KLHL36: variants seen among roughly 807,000 people sequenced by gnomAD.
The protein encoded by KLHL36 is kelch-like protein 36.
KLHL36 carries 35 observed loss-of-function variants against 53.3 expected under a neutral mutation model. The ratio of observed to expected loss-of-function variants is 0.66; its 90% CI spans 0.50 to 0.87. The LOEUF (loss-of-function observed/expected upper bound fraction) is 0.87. Ranked by LOEUF, KLHL36 falls within the 40% of genes least tolerant of loss-of-function variation. The pLI, the probability that KLHL36 is intolerant of heterozygous loss-of-function variation, is 0.00. For missense variants in KLHL36, 864 were observed against 897.6 expected (o/e 0.96, Z 0.48); for synonymous variants, 472 against 398.9 (o/e 1.18, Z -2.18).
chr16:84,661,040 C>T lies in KLHL36; in HGVS notation c.1296-538C>T, dbSNP rs140121730. Among the ~76,000 whole-genome samples the T allele has an allele frequency of 3.3e-5, 5 of 152,298 alleles. No individual in the cohort carries two copies. In the East Asian group the frequency reaches 7.7e-4, roughly 23 times the overall value. On this transcript the variant is annotated intron_variant, in intron 4 of 4. Transcript: ENST00000564996. The surrounding 1 kb of genome is among the most constrained non-coding windows in gnomAD (Gnocchi z 7.9). ...ACATGAATCCACCATTACAGCATCA[C>T]GCAGAATCATTTCACTGCCCTAAAG...
chr16:84,653,117 C>T (rs188023570), intron 2 of KLHL36, among the ~76,000 whole-genome samples: 14 of 152,006 alleles, frequency 9.2e-5, no homozygotes, highest in African/African-American at 2.9e-4. Context: ...CTCAGGAGGC[C>T]GAGGTGGGAG....
chr16:84,651,432 G>A (rs1370153558), intron 2 of KLHL36, among the ~76,000 whole-genome samples: 1 of 152,124 alleles, frequency 6.6e-6, no homozygotes, highest in Non-Finnish European at 1.5e-5. Context: ...AGGCTACTGG[G>A]GGAGTTCTAA....
rs1054792577 is a variant in KLHL36, at chr16:84,659,693, G to A, written c.1138-67G>A. 36 of 1,516,934 alleles carry A rather than the reference G, an allele frequency of 2.4e-5. No individual in the cohort carries two copies. The Middle Eastern group carries it at 5.2e-4, about 22-fold the overall frequency. The allele number at this position is 1,516,934 out of a possible 1,614,324, so 94.0% of individuals were successfully genotyped here. ...CATTCCGCAGACACATTTGGGAACC[G>A]CAGCGCCAGATGTTGATGCTGTCCC... On this transcript the variant is annotated intron_variant, in intron 3 of 4. Coordinates refer to ENST00000564996, the MANE Select transcript of KLHL36 (RefSeq NM_024731.4).
Position 84,662,261 on chromosome 16 carries a change from G to C in KLHL36, c.*128G>C, listed in dbSNP as rs1006536539. The C allele has an allele frequency of 2.4e-6, 2 of 838,430 alleles. No individual in the cohort carries two copies. Among genetic ancestry groups the C allele is most frequent in the African/African-American group, 3.4e-5 (2 of 58,572 alleles). The allele number at this position is 838,430 out of a possible 1,614,324, so 51.9% of individuals were successfully genotyped here. ...AGCTTTTTTTACTTTTATGATTCTTGGTATTTCTATGATATCACAGTAACC... is the reference window on the plus strand; with the variant it reads ...AGCTTTTTTTACTTTTATGATTCTTCGTATTTCTATGATATCACAGTAACC... On this transcript the variant is annotated 3_prime_UTR_variant, in exon 5 of 5. Transcript: ENST00000564996.
intron 1 of KLHL36, among the ~76,000 whole-genome samples, chr16:84,649,756 T>C (rs1040255760): frequency 2.0e-5 from 3 of 152,240 alleles, no homozygotes; most frequent in African/African-American, 7.2e-5. Flanking sequence ...CCCAGTTATC[T>C]AAGAACAGTG....
chr16:84,658,420 C>G (rs1439237548), intron 3 of KLHL36: 1 of 152,796 alleles, frequency 6.5e-6, no homozygotes, highest in Non-Finnish European at 1.5e-5. Context: ...GTCCTGGAGT[C>G]TCTGTGGGGC....
Position 84,657,105 on chromosome 16 carries a change from G to A in KLHL36, c.298G>A (p.Val100Met), listed in dbSNP as rs1036488872. ...CGCCTCCTACATTGGGCTCAAGGCC[G>A]TGGTGGACTTCCTGTACGGCGGGGA... is the stretch of plus-strand genomic sequence containing the variant. ...IGASYIGLKA[V>M]VDFLYGGELV... The change falls in exon 3 of 5, where the codon GTG becomes ATG. Residue 100 changes from valine to methionine, a missense_variant. Physicochemically the swap from Val to Met is conservative, Grantham distance 21. Transcript: ENST00000564996. 12 of 1,614,230 alleles carry A rather than the reference G, an allele frequency of 7.4e-6. No homozygotes were observed. The highest frequency in any genetic ancestry group is 1.0e-5 in the Non-Finnish European group (12 of 1,180,036).
At chr16:84,650,660 C>T (rs944329272) in intron 1 of KLHL36, among the ~76,000 whole-genome samples, 192 bp from the exon 2 acceptor site, 2 of 152,060 alleles carry the variant, frequency 1.3e-5, no homozygotes, top group Non-Finnish European at 2.9e-5. Flanking sequence ...GTTAAATGTT[C>T]TGTCCAATTC....
chr16:84,649,975 G>A (rs1036933896), intron 1 of KLHL36, among the ~76,000 whole-genome samples: 13 of 29,462 alleles, frequency 4.4e-4, no homozygotes, highest in Non-Finnish European at 1.6e-4. Context: ...TGCCTCCCCC[G>A]CCCCCCACAC....
At chr16:84,656,436 A>C (rs1387187816) in intron 2 of KLHL36, among the ~76,000 whole-genome samples, 1 of 151,292 alleles carries the variant, frequency 6.6e-6, no homozygotes, top group African/African-American at 2.4e-5. Context: ...TGCCTGGCTA[A>C]ATTTTGTATT....
Position 84,661,914 on chromosome 16 carries a change from G to A in KLHL36, c.1632G>A (p.Trp544Ter). 4 of 1,599,146 alleles carry A rather than the reference G, an allele frequency of 2.5e-6. No individual in the cohort carries two copies. Among genetic ancestry groups the A allele is most frequent in the Non-Finnish European group, 3.4e-6 (4 of 1,170,864 alleles). The change falls in exon 5 of 5, where the codon TGG becomes TGA. Residue 544 changes from tryptophan (W) to a stop codon, truncating the protein, a stop_gained. Coordinates refer to ENST00000564996, the MANE Select transcript of KLHL36 (RefSeq NM_024731.4). LOFTEE classifies it high-confidence loss of function. This position sits in a 1 kb window ranked among gnomAD's most constrained non-coding sequence, Gnocchi z 7.9. ...ACAGCGAGTCGGGCGTGGCAGTGTG[G>A]GAGGGCCGCATCTACATCCTGGGCG... ...HANSESGVAVWEGRIYILGGY... is the reference protein window; with the variant it reads ...HANSESGVAV
chr16:84,655,470 A>G (rs942992677), intron 2 of KLHL36, among the ~76,000 whole-genome samples: 2 of 152,126 alleles, frequency 1.3e-5, no homozygotes, highest in Non-Finnish European at 2.9e-5. Context: ...CCAGTTACTC[A>G]GGAGGCTAAG....
In KLHL36 at chr16:84,649,790, T is replaced by C. The variant is rs1458810719; in HGVS notation, c.-16-1062T>C. 8.5e-5 allele frequency among the ~76,000 whole-genome samples: 13 copies of C among 152,338 alleles called. No homozygotes were observed. The East Asian group carries it at 2.5e-3, about 29-fold the overall frequency. On this transcript the variant is annotated intron_variant, in intron 1 of 4. Transcript: ENST00000564996. ...TGCTGACTTCTTGTCACATTGTTCT[T>C]TATTAGTGAAGACTATTTGTTCAAT...
rs1484631104 is a variant in KLHL36 at position 84,662,689 on chromosome 16, G to A, written c.*556G>A. 6.5e-6 allele frequency: 1 copy of A among 152,868 alleles called. No individual in the cohort carries two copies. Among genetic ancestry groups the A allele is most frequent in the Non-Finnish European group, 1.5e-5 (1 of 68,528 alleles). The allele number at this position is 152,868 out of a possible 1,614,324, so 9.5% of individuals were successfully genotyped here. A position where few individuals can be genotyped will look rare whatever the true frequency, so the allele number is the denominator to read the frequency against. ...ATCACTGGCAAGGTCCAGTGTGTTT[G>A]TTTTATAAATGAGTGCACAGAGACC... On this transcript the variant is annotated 3_prime_UTR_variant, in exon 5 of 5. Transcript: ENST00000564996.
chr16:84,650,965 G>A, intron 2 of KLHL36, 35 bp downstream of exon 2: 1 of 1,530,506 alleles, frequency 6.5e-7, no homozygotes, highest in Non-Finnish European at 8.9e-7. Flanking sequence ...TATGCAAATT[G>A]CCTAAGAAGT....
In KLHL36 at chr16:84,657,308, C is replaced by T. The variant is rs752641636; in HGVS notation, c.501C>T (p.Ile167=). 91 of 1,613,722 alleles carry T rather than the reference C, an allele frequency of 5.6e-5. No homozygotes were observed. The highest frequency in any genetic ancestry group is 7.2e-5 in the Non-Finnish European group (85 of 1,180,038). ...GCCTCAAGCGGCTTGATGCCTTCAT[C>T]GATGGCTTCATCCTGAACCACTTCG... ...IYSLKRLDAF[I]DGFILNHFGT... Residue 167 remains isoleucine, a synonymous_variant, in exon 3 of 5, where the codon ATC becomes ATT. Coordinates refer to ENST00000564996, the MANE Select transcript of KLHL36 (RefSeq NM_024731.4).
intron 2 of KLHL36, among the ~76,000 whole-genome samples, chr16:84,655,893 C>T (rs577174249): frequency 4.6e-5 from 7 of 151,532 alleles, no homozygotes; most frequent in East Asian, 3.9e-4. Flanking sequence ...ATGTTGAATT[C>T]ATTTATTTAT....
chr16:84,659,501 G>T, intron 3 of KLHL36: 1 of 431,180 alleles, frequency 2.3e-6, no homozygotes, highest in Non-Finnish European at 4.2e-6. Flanking sequence ...GAGAAGTTCG[G>T]GGGTTCAGAG....
At position 84,661,634 on chromosome 16, in the gene KLHL36, G is replaced by T. The variant is rs942543634; in HGVS notation, c.1352G>T (p.Gly451Val). ...AAAGACTTCGTGTACATCTCGGGGG[G>T]CCACGACTACCAAATTGGCCCCTAC... is the stretch of plus-strand genomic sequence containing the variant. The part of the protein sequence containing the change: ...IYKDFVYISG[G>V]HDYQIGPYRK... The change falls in exon 5 of 5, where the codon GGC becomes GTC. Residue 451 changes from glycine (G) to valine (V), a missense_variant. Transcript: ENST00000564996. This position sits in a 1 kb window ranked among gnomAD's most constrained non-coding sequence, Gnocchi z 7.9. 1 of 1,551,618 alleles carries T rather than the reference G, an allele frequency of 6.4e-7. No individual in the cohort carries two copies. The highest frequency in any genetic ancestry group is 1.2e-5 in the South Asian group (1 of 83,408).
Sources: gnomAD v4.1 joint callset for allele counts (sites outside exome capture counted in the v4.1 genomes callset) on GRCh38, gnomAD v4.1.1 for gene constraint, Gnocchi (gnomAD v3.1) non-coding constraint, MANE v1.5 for transcripts, NCBI Gene and HGNC (gene_info 2026-07-23, HGNC 2026-07-21) for gene names.